Variants in LYRM4 observed in about 807,000 individuals in gnomAD.
The protein encoded by LYRM4 is LYR motif-containing protein 4.
LYRM4 carries 9 observed loss-of-function variants against 11.7 expected under a neutral mutation model. The observed-to-expected ratio is 0.77, with a 90% CI of 0.46 to 1.34. LYRM4 has a LOEUF of 1.34. Among genes scored for constraint, LYRM4 ranks in the 40% most tolerant of loss-of-function variants. The pLI, the probability that LYRM4 is intolerant of heterozygous loss-of-function variation, is 0.00. For synonymous variants in LYRM4, 42 were observed against 40.4 expected (o/e 1.04, Z -0.15); for missense variants, 133 against 112.5 (o/e 1.18, Z -0.82).
chr6:5,199,045 C>A (rs1761233284), intron 2 of LYRM4, among the ~76,000 whole-genome samples: 1 of 152,164 alleles, frequency 6.6e-6, no homozygotes, highest in Non-Finnish European at 1.5e-5. Context: ...CCCAGCCATT[C>A]CACTTCTAAG....
At chr6:5,151,963 C>T (rs924279217) in intron 2 of LYRM4, among the ~76,000 whole-genome samples, 7 of 152,190 alleles carry the variant, frequency 4.6e-5, no homozygotes, top group African/African-American at 9.7e-5. Flanking sequence ...GGATGACAGG[C>T]TCCAGGAAAG....
chr6:5,254,164 A>G (rs1209671925), intron 1 of LYRM4, among the ~76,000 whole-genome samples: 1 of 152,208 alleles, frequency 6.6e-6, no homozygotes, highest in Non-Finnish European at 1.5e-5. Context: ...GTCAACAGAA[A>G]CGGCCCAACT....
At chr6:5,117,472 T>G (rs1581305071) in intron 2 of LYRM4, among the ~76,000 whole-genome samples, 1 of 151,894 alleles carries the variant, frequency 6.6e-6, no homozygotes, top group East Asian at 1.9e-4. Flanking sequence ...GGAGAATCGC[T>G]TGAACCTGGG....
intron 1 of LYRM4, among the ~76,000 whole-genome samples, chr6:5,250,778 C>A (rs968566006): frequency 6.6e-6 from 1 of 152,144 alleles, no homozygotes; most frequent in African/African-American, 2.4e-5. Flanking sequence ...GTCTTTTTCT[C>A]TTTTAATTTT....
the LYRM4 span, among the ~76,000 whole-genome samples, chr6:5,071,975 T>C: frequency 1.2e-4 from 18 of 152,062 alleles, no homozygotes; most frequent in Non-Finnish European, 1.8e-4. Flanking sequence ...CCTCTCCCTC[T>C]TCCCACCCCC....
At chr6:5,085,098 G>T in the LYRM4 span, 5 of 210,856 alleles carry the variant, frequency 2.4e-5, no homozygotes, top group Non-Finnish European at 2.8e-5. Flanking sequence ...CCGGGGGTGC[G>T]GGTGAGGGCT....
At chr6:5,209,485 A>G (rs982117237) in intron 2 of LYRM4, among the ~76,000 whole-genome samples, 1 of 152,166 alleles carries the variant, frequency 6.6e-6, no homozygotes, top group African/African-American at 2.4e-5. Flanking sequence ...ATTTAATCGT[A>G]GTTGATTTAT....
intron 2 of LYRM4, among the ~76,000 whole-genome samples, chr6:5,185,501 C>T (rs973457056): frequency 6.6e-6 from 1 of 152,174 alleles, no homozygotes; most frequent in African/African-American, 2.4e-5. Context: ...CCTACTTCAT[C>T]CGAGATGGGC....
the LYRM4 span, among the ~76,000 whole-genome samples, chr6:5,095,537 G>T: frequency 1.2e-3 from 189 of 152,318 alleles, 1 homozygote; most frequent in African/African-American, 4.4e-3. Flanking sequence ...GAAACTCAAT[G>T]ATTGGCACAA....
chr6:5,247,063 C>T (rs570931763), intron 1 of LYRM4, among the ~76,000 whole-genome samples: 5 of 152,278 alleles, frequency 3.3e-5, no homozygotes, highest in Admixed American at 1.3e-4. Flanking sequence ...CTGATGGTCA[C>T]GGTCAGGATT....
intron 1 of LYRM4, among the ~76,000 whole-genome samples, chr6:5,244,222 T>C (rs1327224493): frequency 6.6e-6 from 1 of 152,210 alleles, no homozygotes; most frequent in African/African-American, 2.4e-5. Flanking sequence ...AAATAGGATT[T>C]GTGTTAGATG....
At chr6:5,190,170 G>A (rs1365987854) in intron 2 of LYRM4, among the ~76,000 whole-genome samples, 3 of 151,932 alleles carry the variant, frequency 2.0e-5, no homozygotes, top group Non-Finnish European at 2.9e-5. Context: ...ACACAGAGTA[G>A]ATACTACTGG....
chr6:5,060,159 C>T, the LYRM4 span, among the ~76,000 whole-genome samples: 3 of 152,166 alleles, frequency 2.0e-5, no homozygotes, highest in South Asian at 4.1e-4. Flanking sequence ...TATGTACACA[C>T]GAAAGTGTGG....
intron 2 of LYRM4, among the ~76,000 whole-genome samples, chr6:5,163,500 T>C (rs1243329325): frequency 7.4e-6 from 1 of 135,776 alleles, no homozygotes; most frequent in African/African-American, 3.2e-5. Flanking sequence ...CATTCCAACT[T>C]TTTTTTTTTT....
intron 1 of LYRM4, among the ~76,000 whole-genome samples, chr6:5,251,566 G>A (rs973845576): frequency 6.6e-6 from 1 of 152,060 alleles, no homozygotes; most frequent in Non-Finnish European, 1.5e-5. Flanking sequence ...TAAAACAACC[G>A]GATCTCATGA....
Position 5,260,761 on chromosome 6 carries a change from C to T in LYRM4, c.-28G>A, listed in dbSNP as rs1765039310. The T allele has an allele frequency of 1.9e-6, 3 of 1,539,560 alleles. No homozygotes were observed. The highest frequency in any genetic ancestry group is 1.4e-5 in the African/African-American group (1 of 72,984). ...TGGAAAGAAAAAAAAATAAACGGGTCCTCTTCGCCGAGGTCCCAAGTACGA... is the reference window on the plus strand; with the variant it reads ...TGGAAAGAAAAAAAAATAAACGGGTTCTCTTCGCCGAGGTCCCAAGTACGA... On this transcript the variant is annotated 5_prime_UTR_variant, in exon 1 of 3. Coordinates refer to ENST00000330636, the MANE Select transcript of LYRM4 (RefSeq NM_020408.6).
At chr6:5,141,055 CT>C (rs2127623990) in intron 2 of LYRM4, among the ~76,000 whole-genome samples, 1 of 152,322 alleles carries the variant, frequency 6.6e-6, no homozygotes, top group African/African-American at 2.4e-5. Flanking sequence ...GGATGTTCAG[CT>C]TTTTAATCTA....
intron 1 of LYRM4, among the ~76,000 whole-genome samples, chr6:5,217,371 A>C (rs1192077071): frequency 6.6e-6 from 1 of 152,096 alleles, no homozygotes; most frequent in African/African-American, 2.4e-5. Context: ...CCCACCCCCA[A>C]CCAGACAGCT....
chr6:5,097,208 C>T, the LYRM4 span, among the ~76,000 whole-genome samples: 1 of 152,220 alleles, frequency 6.6e-6, no homozygotes, highest in East Asian at 1.9e-4. Context: ...GGGGGCCGAG[C>T]AGGCTTGCTC....
Sources: gnomAD v4.1 joint callset for allele counts (sites outside exome capture counted in the v4.1 genomes callset) on GRCh38, gnomAD v4.1.1 for gene constraint, MANE v1.5 for transcripts, NCBI Gene and HGNC (gene_info 2026-07-23, HGNC 2026-07-21) for gene names.